The following P2RX5 variants were observed in gnomAD, a reference collection of about 807,000 sequenced individuals.
The protein encoded by P2RX5 is P2X purinoceptor 5.
Under a neutral mutation model 54.1 loss-of-function variants are expected in P2RX5, and 46 were observed. That is an observed-to-expected ratio of 0.85 (90% CI 0.67 to 1.09). The LOEUF is 1.09. P2RX5 is among the 50% of genes least tolerant of loss of function. The pLI is 0.00. For synonymous variants in P2RX5, 226 were observed against 226.4 expected, an observed-to-expected ratio of 1.00 and a Z score of 0.02; for missense variants, 566 against 549.8, an observed-to-expected ratio of 1.03 and a Z score of -0.29.
At chr17:3,700,317 G>A (rs1044486584), upstream of P2RX5, among the ~76,000 whole-genome samples, 5 of 152,032 alleles carry the variant, frequency 3.3e-5, no homozygotes, top group Non-Finnish European at 5.9e-5. Context: ...GGCAGATCAC[G>A]AGGTCAGAAG....
At chr17:3,706,704 C>T in the P2RX5 span, among the ~76,000 whole-genome samples, 5 of 150,950 alleles carry the variant, frequency 3.3e-5, no homozygotes, top group Non-Finnish European at 7.4e-5. Flanking sequence ...CTCTGCCTCC[C>T]GGGTTCAAGT....
At chr17:3,704,422 C>T in the P2RX5 span, among the ~76,000 whole-genome samples, 1 of 152,210 alleles carries the variant, frequency 6.6e-6, no homozygotes, top group Non-Finnish European at 1.5e-5. Context: ...TCGCCCTTTT[C>T]CTTTTGCTGA....
At chr17:3,695,567 G>A (rs1187321444) in intron 1 of P2RX5, among the ~76,000 whole-genome samples, 1 of 152,088 alleles carries the variant, frequency 6.6e-6, no homozygotes, top group Admixed American at 6.5e-5. Flanking sequence ...CCTAACACGT[G>A]GGGACCCGAC....
intron 11 of P2RX5, among the ~76,000 whole-genome samples, chr17:3,674,324 A>T (rs921539307): frequency 2.0e-4 from 26 of 127,726 alleles, no homozygotes; most frequent in Admixed American, 1.3e-3. Flanking sequence ...TCAAAAAATT[A>T]AAAAAAAAAA....
At chr17:3,715,352 C>T in the P2RX5 span, among the ~76,000 whole-genome samples, 80,325 of 151,880 alleles carry the variant, frequency 0.53, 22,111 homozygotes, top group African/African-American at 0.64. Context: ...ATAATTACAA[C>T]ACAGTGTGAT....
chr17:3,696,938 GA>G (rs1232468177), upstream of P2RX5, among the ~76,000 whole-genome samples: 13 of 152,116 alleles, frequency 8.5e-5, no homozygotes, highest in African/African-American at 3.1e-4. Flanking sequence ...TTGTGGGGGG[GA>G]AGCCGTGGCT....
intron 9 of P2RX5, among the ~76,000 whole-genome samples, chr17:3,683,562 C>T (rs1299681325): frequency 1.3e-5 from 2 of 152,152 alleles, no homozygotes; most frequent in Admixed American, 6.5e-5. Context: ...GAAACCCTGT[C>T]TCTACAAAAA....
At chr17:3,678,599 C>T (rs2050157037) in intron 11 of P2RX5, among the ~76,000 whole-genome samples, 1 of 152,230 alleles carries the variant, frequency 6.6e-6, no homozygotes, top group South Asian at 2.1e-4. Context: ...CTCTCTCTCT[C>T]CTCACTCTTC....
At chr17:3,688,488 C>A (rs2050512342) in intron 8 of P2RX5, 138 bp downstream of exon 8, 9 of 938,128 alleles carry the variant, frequency 9.6e-6, no homozygotes, top group Non-Finnish European at 1.6e-5. Flanking sequence ...GGGGTCCACA[C>A]CTCTCCTGGG....
the P2RX5 span, chr17:3,717,443 G>C: frequency 6.6e-6 from 1 of 152,172 alleles, no homozygotes; most frequent in Non-Finnish European, 1.5e-5. Flanking sequence ...TTTTCCAAAG[G>C]CTCTCCCAAT....
intron 8 of P2RX5, among the ~76,000 whole-genome samples, chr17:3,688,384 G>T (rs2050508537): frequency 6.6e-6 from 1 of 152,214 alleles, no homozygotes. Context: ...TGCGGCAGAG[G>T]CCGCAAGACT....
At position 3,695,920 on chromosome 17, in the gene P2RX5, A is replaced by G; in HGVS notation, c.86T>C (p.Val29Ala). 1 of 1,611,876 alleles carries G rather than the reference A, an allele frequency of 6.2e-7. No homozygotes were observed. The highest frequency in any genetic ancestry group is 1.1e-5 in the South Asian group (1 of 91,042). Reference sequence around the variant, plus strand: ...CTGCAGCAGCCGGTACAGCAGGCCCACCTTCTTGTTCTTGGCGATGACATA... The same window carrying G: ...CTGCAGCAGCCGGTACAGCAGGCCCGCCTTCTTGTTCTTGGCGATGACATA... ...EKYVIAKNKK[V>A]GLLYRLLQAS... The change falls in exon 1 of 12, where the codon GTG becomes GCG. Residue 29 changes from valine to alanine, a missense_variant. Val to Ala is a moderately conservative substitution (Grantham distance 64, BLOSUM62 0). Transcript: ENST00000225328.
At chr17:3,682,200 G>A (rs990167179) in intron 9 of P2RX5, 1 of 587,658 alleles carries the variant, frequency 1.7e-6, no homozygotes, top group Admixed American at 2.6e-5. Flanking sequence ...CGATCCCACA[G>A]GCCAGGCACT....
intron 1 of P2RX5, 48 bp from the exon 2 acceptor site, chr17:3,691,842 C>T (rs574294961): frequency 8.7e-6 from 14 of 1,608,486 alleles, no homozygotes; most frequent in East Asian, 2.2e-5. Context: ...CTGCTGGCTT[C>T]GGGGAGCTTC....
At chr17:3,713,921 A>G in the P2RX5 span, among the ~76,000 whole-genome samples, 1 of 146,472 alleles carries the variant, frequency 6.8e-6, no homozygotes, top group African/African-American at 2.6e-5. Context: ...GAATTATCTG[A>G]AAGGATACAA....
intron 1 of P2RX5, among the ~76,000 whole-genome samples, chr17:3,694,962 C>T (rs1003415816): frequency 2.0e-5 from 3 of 152,144 alleles, no homozygotes; most frequent in Non-Finnish European, 2.9e-5. Context: ...AACAGCACAG[C>T]GCCTACGAGG....
At chr17:3,686,107 TCCCCCGC>T (rs1426116697) in intron 9 of P2RX5, among the ~76,000 whole-genome samples, 2 of 3,448 alleles carry the variant, frequency 5.8e-4, no homozygotes, top group African/African-American at 4.8e-3. Context: ...CCTCCCAACG[TCCCCCGC>T]CCCCCGCCCA....
the P2RX5 span, among the ~76,000 whole-genome samples, chr17:3,711,799 A>G: frequency 1.3e-5 from 2 of 152,172 alleles, no homozygotes; most frequent in African/African-American, 2.4e-5. Flanking sequence ...GGTTCAAGCG[A>G]TTCTCATGCC....
chr17:3,676,909 A>C (rs948601023), intron 11 of P2RX5, among the ~76,000 whole-genome samples: 1 of 152,130 alleles, frequency 6.6e-6, no homozygotes, highest in Non-Finnish European at 1.5e-5. Context: ...TAAAACTACA[A>C]AAATTAGCCG....
Sources: gnomAD v4.1 joint callset for allele counts (sites outside exome capture counted in the v4.1 genomes callset) on GRCh38, gnomAD v4.1.1 for gene constraint, MANE v1.5 for transcripts, NCBI Gene and HGNC (gene_info 2026-07-23, HGNC 2026-07-21) for gene names.